Variants in ETV1 observed in about 807,000 individuals in gnomAD.
ETV1 encodes ETS translocation variant 1.
In ETV1, 27 loss-of-function variants were observed where a neutral mutation model predicts 62.3. That is an observed-to-expected ratio of 0.43 (90% CI 0.32 to 0.60). The LOEUF (loss-of-function observed/expected upper bound fraction) is 0.60. ETV1 is among the 20% of genes least tolerant of loss of function. The pLI is 0.06. For synonymous variants in ETV1, 222 were observed against 199.6 expected (o/e 1.11, Z -0.94); for missense variants, 605 against 605.8 (o/e 1.00, Z 0.01).
At chr7:13,925,667 A>G (rs1163857924) in intron 9 of ETV1, among the ~76,000 whole-genome samples, 1 of 150,448 alleles carries the variant, frequency 6.6e-6, no homozygotes, top group Non-Finnish European at 1.5e-5. Context: ...CCTGGTTCAC[A>G]CCATTCTCCT....
intron 11 of ETV1, 104 bp from the exon 12 acceptor site, chr7:13,906,703 A>G (rs1387055567): frequency 2.8e-6 from 2 of 719,772 alleles, no homozygotes; most frequent in African/African-American, 3.6e-5. Flanking sequence ...ACAATCAACC[A>G]CTTTATGGGC....
intron 9 of ETV1, among the ~76,000 whole-genome samples, chr7:13,915,489 A>T (rs1269651406): frequency 6.6e-6 from 1 of 152,214 alleles, no homozygotes; most frequent in Non-Finnish European, 1.5e-5. Context: ...CCAACATTTT[A>T]TCTCTTTTAA....
chr7:13,963,944 A>G (rs986873357), intron 6 of ETV1, among the ~76,000 whole-genome samples: 1 of 152,200 alleles, frequency 6.6e-6, no homozygotes, highest in Non-Finnish European at 1.5e-5. Flanking sequence ...GAATGAAAAT[A>G]GAGCTTTCAC....
At chr7:13,952,399 T>G (rs1285542613) in intron 6 of ETV1, among the ~76,000 whole-genome samples, 1 of 152,144 alleles carries the variant, frequency 6.6e-6, no homozygotes, top group Non-Finnish European at 1.5e-5. Flanking sequence ...CTAAAGCCAT[T>G]TACTAATAAG....
chr7:13,938,532 C>T (rs775907021), intron 7 of ETV1, among the ~76,000 whole-genome samples: 12 of 152,148 alleles, frequency 7.9e-5, no homozygotes, highest in Admixed American at 2.0e-4. Context: ...ATACAATTTA[C>T]TTTGAAGGGT....
At chr7:13,951,326 C>A (rs1020737842) in intron 6 of ETV1, among the ~76,000 whole-genome samples, 10 of 152,168 alleles carry the variant, frequency 6.6e-5, no homozygotes, top group African/African-American at 2.2e-4. Context: ...AGCTAGCAGG[C>A]ACTTAAATCT....
intron 12 of ETV1, among the ~76,000 whole-genome samples, chr7:13,903,096 C>T (rs182123429): frequency 3.1e-4 from 47 of 152,234 alleles, no homozygotes; most frequent in African/African-American, 1.0e-3. Flanking sequence ...ACCGACCAAT[C>T]GCCACCATAT....
At chr7:13,984,182 C>G (rs765982) in intron 5 of ETV1, among the ~76,000 whole-genome samples, 120,802 of 151,908 alleles carry the variant, frequency 0.8, 48,738 homozygotes, top group African/African-American at 0.95. Context: ...CTAACTCATG[C>G]GAGAAACTTG....
intron 9 of ETV1, among the ~76,000 whole-genome samples, chr7:13,925,792 G>A (rs911550170): frequency 3.3e-5 from 5 of 151,670 alleles, no homozygotes; most frequent in African/African-American, 4.8e-5. Context: ...TCCTGACCTC[G>A]TGATCCGCCC....
At chr7:13,950,562 T>C (rs1788680195) in intron 6 of ETV1, among the ~76,000 whole-genome samples, 1 of 152,140 alleles carries the variant, frequency 6.6e-6, no homozygotes, top group Non-Finnish European at 1.5e-5. Flanking sequence ...TTCGGATGAA[T>C]GCTGCAGCCT....
chr7:13,926,310 TA>T, intron 9 of ETV1, among the ~76,000 whole-genome samples: 1 of 152,166 alleles, frequency 6.6e-6, no homozygotes, highest in African/African-American at 2.4e-5. Flanking sequence ...CACTACTCCC[TA>T]AAAAAATCTA....
At chr7:13,981,295 C>G (rs1364550411) in intron 5 of ETV1, among the ~76,000 whole-genome samples, 1 of 152,042 alleles carries the variant, frequency 6.6e-6, no homozygotes, top group Non-Finnish European at 1.5e-5. Flanking sequence ...GACAAGCAGG[C>G]AGAACTGGAG....
intron 9 of ETV1, among the ~76,000 whole-genome samples, chr7:13,923,484 T>C: frequency 6.6e-6 from 1 of 152,214 alleles, no homozygotes; most frequent in East Asian, 1.9e-4. Context: ...GAATAGCAGA[T>C]AGATTTGTCA....
chr7:13,900,570 G>A (rs573735781), intron 13 of ETV1, 168 bp downstream of exon 13: 1 of 555,958 alleles, frequency 1.8e-6, no homozygotes, highest in Admixed American at 3.4e-5. Context: ...ACAATGTCTA[G>A]GCATTTATAC....
chr7:13,984,856 A>T (rs1484389787), intron 5 of ETV1, among the ~76,000 whole-genome samples: 1 of 152,030 alleles, frequency 6.6e-6, no homozygotes, highest in Non-Finnish European at 1.5e-5. Context: ...GCAGAGTTTT[A>T]AAAGATAAAT....
In ETV1 at chr7:13,989,275, C is replaced by T. The variant is rs572447278; in HGVS notation, c.-95G>A. On this transcript the variant is annotated 5_prime_UTR_variant, in exon 2 of 14. Coordinates refer to ENST00000430479, the MANE Select transcript of ETV1 (RefSeq NM_004956.5). ...CTACACCGCCTCCTTCACCTGGATC[C>T]AAAGAGAGCCAACAGAGTTCACAAT... is the stretch of plus-strand genomic sequence containing the variant. 1.8e-6 allele frequency: 1 copy of T among 544,450 alleles called. No individual in the cohort carries two copies. The highest frequency in any genetic ancestry group is 1.9e-5 in the African/African-American group (1 of 51,634). 33.7% of individuals were successfully genotyped at this position (544,450 alleles called of 1,614,324 possible). A position where few individuals can be genotyped will look rare whatever the true frequency, so the allele number is the denominator to read the frequency against.
At chr7:13,945,362 C>G (rs1425348734) in intron 6 of ETV1, among the ~76,000 whole-genome samples, 1 of 152,094 alleles carries the variant, frequency 6.6e-6, no homozygotes, top group Non-Finnish European at 1.5e-5. Context: ...TTCTCCCGCT[C>G]CAGTAGTTTT....
At chr7:13,978,978 T>G (rs1216966868) in intron 5 of ETV1, among the ~76,000 whole-genome samples, 2 of 152,140 alleles carry the variant, frequency 1.3e-5, no homozygotes, top group Admixed American at 1.3e-4. Flanking sequence ...ATCAAACAAA[T>G]TAATAATTTT....
intron 9 of ETV1, among the ~76,000 whole-genome samples, chr7:13,916,048 A>G (rs1330177476): frequency 3.3e-5 from 5 of 151,928 alleles, no homozygotes; most frequent in African/African-American, 4.9e-5. Context: ...TGAACTTCAC[A>G]TGAATGTAAC....
Sources: allele counts gnomAD v4.1 joint callset (sites outside exome capture counted in the v4.1 genomes callset), GRCh38; gene constraint gnomAD v4.1.1; transcripts MANE v1.5; gene names NCBI Gene and HGNC (gene_info 2026-07-23, HGNC 2026-07-21).